The following ARHGAP22 variants were observed in gnomAD, a reference collection of about 807,000 sequenced individuals.
ARHGAP22 encodes Rho GTPase activating protein 22, also known as rho GTPase-activating protein 22.
A neutral mutation model predicts 59.1 loss-of-function variants in ARHGAP22; 48 were observed. That is an observed-to-expected ratio of 0.81 (90% confidence interval 0.64 to 1.03). The LOEUF (loss-of-function observed/expected upper bound fraction) is 1.03, where lower values mean the gene tolerates loss of function less well. Ranked by LOEUF, ARHGAP22 falls within the 50% of genes least tolerant of loss-of-function variation. The pLI is 0.00. For missense variants in ARHGAP22, 1,015 were observed against 958.7 expected, an observed-to-expected ratio of 1.06 and a Z score of -0.78; for synonymous variants, 445 against 416.4, an observed-to-expected ratio of 1.07 and a Z score of -0.84.
chr10:48,596,168 C>T (rs1040844260), intron 1 of ARHGAP22, among the ~76,000 whole-genome samples: 5 of 152,166 alleles, frequency 3.3e-5, no homozygotes, highest in East Asian at 3.9e-4. Flanking sequence ...AGTGGGAAGC[C>T]GGGAGACACC....
Position 48,599,879 on chromosome 10 carries a change from T to C in ARHGAP22, c.34+4884A>G, listed in dbSNP as rs562779300. On this transcript the variant is annotated intron_variant, in intron 1 of 9. Transcript: ENST00000249601. ...TACCTGCCATGGAGACAGGTGCTTGTGAGGGTTGGACAGGATCTGACAGCT... is the reference window on the plus strand; with the variant it reads ...TACCTGCCATGGAGACAGGTGCTTGCGAGGGTTGGACAGGATCTGACAGCT... Among the ~76,000 whole-genome samples, 5 of 152,240 alleles carry C rather than the reference T, an allele frequency of 3.3e-5. No homozygotes were observed. The South Asian group carries it at 1.0e-3, about 32-fold the overall frequency.
intron 4 of ARHGAP22, among the ~76,000 whole-genome samples, chr10:48,465,106 C>T (rs970125715): frequency 1.3e-5 from 2 of 152,168 alleles, no homozygotes; most frequent in African/African-American, 2.4e-5. Context: ...GGCTGAACTC[C>T]CTCAGCTCTC....
In ARHGAP22 at chr10:48,555,569, C is replaced by T; in HGVS notation, c.235-19G>A. 1 of 1,609,786 alleles carries T rather than the reference C, an allele frequency of 6.2e-7. No homozygotes were observed. The highest frequency in any genetic ancestry group is 8.5e-7 in the Non-Finnish European group (1 of 1,176,096). On this transcript the variant is annotated intron_variant, in intron 2 of 9. Transcript: ENST00000249601. ...TAAATCCCTAAAAAGGAGGCAAACA[C>T]AAACACAGGGAGCATGAGATGATGG...
intron 2 of ARHGAP22, among the ~76,000 whole-genome samples, chr10:48,558,840 A>G (rs935264): frequency 0.87 from 132,418 of 152,236 alleles, 58,732 homozygotes; most frequent in East Asian, 0.99. Flanking sequence ...GGGACACTAA[A>G]GGAAGGTGGC....
At chr10:48,444,823 G>A (rs2045286519), downstream of ARHGAP22, 1 of 152,194 alleles carries the variant, frequency 6.6e-6, no homozygotes, top group South Asian at 2.1e-4. Context: ...ATTGCTGTGA[G>A]GACTCAAAGT....
At chr10:48,632,204 G>A (rs1048355398) in intron 1 of ARHGAP22, among the ~76,000 whole-genome samples, 4 of 152,172 alleles carry the variant, frequency 2.6e-5, no homozygotes, top group African/African-American at 9.7e-5. Context: ...CCACTTACAA[G>A]TGAGAACATA....
intron 2 of ARHGAP22, among the ~76,000 whole-genome samples, chr10:48,574,364 G>A (rs904674094): frequency 6.6e-6 from 1 of 152,204 alleles, no homozygotes; most frequent in African/African-American, 2.4e-5. Flanking sequence ...CCTGAATGAG[G>A]TTTATGATAT....
At chr10:48,579,415 G>C (rs939092574) in intron 2 of ARHGAP22, among the ~76,000 whole-genome samples, 1 of 152,228 alleles carries the variant, frequency 6.6e-6, no homozygotes, top group Admixed American at 6.5e-5. Flanking sequence ...TGAAACTGTG[G>C]GATCTGTCTG....
At chr10:48,593,525 A>G (rs955726142) in intron 1 of ARHGAP22, among the ~76,000 whole-genome samples, 12 of 152,226 alleles carry the variant, frequency 7.9e-5, no homozygotes, top group African/African-American at 2.9e-4. Context: ...TATTAAGTAA[A>G]GTAAGGGTTA....
intron 2 of ARHGAP22, among the ~76,000 whole-genome samples, chr10:48,570,671 G>A (rs895801112): frequency 9.2e-5 from 14 of 152,198 alleles, no homozygotes; most frequent in African/African-American, 3.1e-4. Context: ...AAGTAGGAAG[G>A]AGGGATTGAA....
At chr10:48,593,230 G>T (rs1198111121) in intron 1 of ARHGAP22, among the ~76,000 whole-genome samples, 1 of 152,162 alleles carries the variant, frequency 6.6e-6, no homozygotes, top group African/African-American at 2.4e-5. Flanking sequence ...TTCCCCCACT[G>T]CTCCATTTCT....
At chr10:48,477,761 G>A (rs1410936839) in intron 4 of ARHGAP22, among the ~76,000 whole-genome samples, 1 of 152,140 alleles carries the variant, frequency 6.6e-6, no homozygotes, top group Non-Finnish European at 1.5e-5. Context: ...ATGTTCACTG[G>A]TCATGAGGAT....
chr10:48,498,015 T>C (rs2051117835), intron 3 of ARHGAP22, among the ~76,000 whole-genome samples: 1 of 152,164 alleles, frequency 6.6e-6, no homozygotes, highest in African/African-American at 2.4e-5. Context: ...TGCCTCTGTC[T>C]ATCCCTTAGA....
intron 2 of ARHGAP22, among the ~76,000 whole-genome samples, 197 bp from the exon 3 acceptor site, chr10:48,555,747 G>T (rs1275850585): frequency 6.6e-6 from 1 of 152,170 alleles, no homozygotes; most frequent in Admixed American, 6.5e-5. Context: ...GGTGGATTAA[G>T]GTGGACACTG....
intron 4 of ARHGAP22, 111 bp downstream of exon 4, chr10:48,479,525 C>T: frequency 6.3e-7 from 1 of 1,577,888 alleles, no homozygotes. Flanking sequence ...GCACAGGATG[C>T]AGCCAGCAAG....
At chr10:48,564,329 C>T (rs1564891366) in intron 2 of ARHGAP22, among the ~76,000 whole-genome samples, 1 of 152,238 alleles carries the variant, frequency 6.6e-6, no homozygotes, top group East Asian at 1.9e-4. Flanking sequence ...GAGGTACATA[C>T]AAAAGGTTTC....
chr10:48,655,116 T>TCTCTTCTCTTCTCTTC (rs1565070538), upstream of ARHGAP22, among the ~76,000 whole-genome samples: 7 of 79,192 alleles, frequency 8.8e-5, no homozygotes, highest in Non-Finnish European at 1.3e-4. Flanking sequence ...TCTCTTCTCT[T>TCTCTTCTCTTCTCTTC]TCCTCTTGGC....
At chr10:48,555,370 C>A in intron 3 of ARHGAP22, 93 bp downstream of exon 3, 1 of 1,219,760 alleles carries the variant, frequency 8.2e-7, no homozygotes, top group Non-Finnish European at 1.2e-6. Flanking sequence ...GTGGCTCCTG[C>A]GGGAGGAGTG....
At chr10:48,519,157 C>T (rs1250305984) in intron 3 of ARHGAP22, among the ~76,000 whole-genome samples, 1 of 152,144 alleles carries the variant, frequency 6.6e-6, no homozygotes. Flanking sequence ...GACTGTGGCT[C>T]CCCGAATGCT....
Sources: gnomAD v4.1 joint callset for allele counts (sites outside exome capture counted in the v4.1 genomes callset) on GRCh38, gnomAD v4.1.1 for gene constraint, MANE v1.5 for transcripts, NCBI Gene and HGNC (gene_info 2026-07-23, HGNC 2026-07-21) for gene names.